The following GRM7 variants were observed in gnomAD, a reference collection of about 807,000 sequenced individuals.
GRM7 encodes metabotropic glutamate receptor 7.
A neutral mutation model predicts 84.5 loss-of-function variants in GRM7; 35 were observed. That is an observed-to-expected ratio of 0.41 (90% CI 0.32 to 0.55). The LOEUF (loss-of-function observed/expected upper bound fraction) is 0.55. GRM7 is among the 20% of genes least tolerant of loss of function. The pLI is 0.19. For synonymous variants in GRM7, 487 were observed against 455.1 expected, an observed-to-expected ratio of 1.07 and a Z score of -0.89; for missense variants, 1,003 against 1,194.6, an observed-to-expected ratio of 0.84 and a Z score of 2.36.
At chr3:7,159,041 C>T (rs1694541462) in intron 2 of GRM7, among the ~76,000 whole-genome samples, 1 of 152,096 alleles carries the variant, frequency 6.6e-6, no homozygotes, top group Non-Finnish European at 1.5e-5. Flanking sequence ...AAAATTGAAG[C>T]TTACACTAAT....
At chr3:7,729,000 T>C (rs1303375513) in intron 9 of GRM7, among the ~76,000 whole-genome samples, 3 of 151,464 alleles carry the variant, frequency 2.0e-5, no homozygotes, top group African/African-American at 4.9e-5. Flanking sequence ...CAAGTCATCC[T>C]CTCTGCACCT....
intron 1 of GRM7, among the ~76,000 whole-genome samples, chr3:6,866,191 A>G (rs1245677962): frequency 6.6e-6 from 1 of 152,188 alleles, no homozygotes; most frequent in East Asian, 1.9e-4. Context: ...TACAAGTGCT[A>G]TATTTCTTAC....
At chr3:7,348,890 A>G (rs7628504) in intron 4 of GRM7, among the ~76,000 whole-genome samples, 28,611 of 152,076 alleles carry the variant, frequency 0.19, 3,331 homozygotes, top group East Asian at 0.37. Context: ...ATTCAAAGAG[A>G]ACATGAATAA....
intron 1 of GRM7, among the ~76,000 whole-genome samples, chr3:6,945,327 C>G (rs891667762): frequency 1.3e-5 from 2 of 151,528 alleles, no homozygotes; most frequent in Non-Finnish European, 2.9e-5. Context: ...GTTTTTTGTC[C>G]TTGTGATAGT....
chr3:6,877,747 A>G (rs754602754), intron 1 of GRM7, among the ~76,000 whole-genome samples: 3 of 151,978 alleles, frequency 2.0e-5, no homozygotes, highest in South Asian at 2.1e-4. Context: ...AAAAATTTTC[A>G]TATAGATGGA....
rs534246903 is a variant in GRM7 at position 7,314,805 on chromosome 3, G to A, written c.1033+8153G>A. On this transcript the variant is annotated intron_variant, in intron 4 of 9. Coordinates refer to ENST00000357716, the MANE Select transcript of GRM7 (RefSeq NM_000844.4). Reference sequence around the variant, plus strand: ...GTCCATTTTTCCTCCCTTTGAATAAGCCATATCTTCCTATTTATTTGTATT... The same window carrying A: ...GTCCATTTTTCCTCCCTTTGAATAAACCATATCTTCCTATTTATTTGTATT... 2.0e-5 allele frequency among the ~76,000 whole-genome samples: 3 copies of A among 152,110 alleles called. No homozygotes were observed. The South Asian group carries it at 6.2e-4, about 32-fold the overall frequency.
intron 7 of GRM7, among the ~76,000 whole-genome samples, chr3:7,462,268 C>G (rs1285035444): frequency 6.6e-6 from 1 of 152,084 alleles, no homozygotes; most frequent in Non-Finnish European, 1.5e-5. Flanking sequence ...AGCCAATGTC[C>G]CAGCTCCAAA....
chr3:6,890,033 G>C (rs539814700), intron 1 of GRM7, among the ~76,000 whole-genome samples: 4 of 152,136 alleles, frequency 2.6e-5, no homozygotes, highest in Non-Finnish European at 5.9e-5. Flanking sequence ...GGTGTTTGTA[G>C]TATTCTCTGA....
chr3:7,045,743 C>G (rs186510971), intron 1 of GRM7, among the ~76,000 whole-genome samples: 79 of 152,126 alleles, frequency 5.2e-4, no homozygotes, highest in Non-Finnish European at 9.3e-4. Flanking sequence ...AATAATATTC[C>G]ATTATTTGTG....
intron 6 of GRM7, among the ~76,000 whole-genome samples, chr3:7,460,128 A>AC (rs1575369564): frequency 7.5e-6 from 1 of 134,098 alleles, no homozygotes; most frequent in African/African-American, 2.6e-5. Flanking sequence ...AAAAAAAAAA[A>AC]AGATGCCAAA....
chr3:7,627,535 C>A lies in GRM7; in HGVS notation c.2451+48178C>A, dbSNP rs143085297. Among the ~76,000 whole-genome samples the A allele has an allele frequency of 3.6e-3, 547 of 152,270 alleles. 2 individuals carry two copies. Among genetic ancestry groups the A allele is most frequent in the Admixed American group, 8.2e-3 (126 of 15,284 alleles). ...ACAGACATTCGCATGGTATTAAAAC[C>A]ACGAACTCTCAACTAGCCAGAGTTG... On this transcript the variant is annotated intron_variant, in intron 8 of 9. Coordinates refer to ENST00000357716, the MANE Select transcript of GRM7 (RefSeq NM_000844.4).
intron 2 of GRM7, among the ~76,000 whole-genome samples, chr3:7,292,653 T>C (rs1486330512): frequency 6.6e-6 from 1 of 151,978 alleles, no homozygotes; most frequent in Non-Finnish European, 1.5e-5. Context: ...AGTTTCTCCA[T>C]GTGTAATGGA....
intron 9 of GRM7, among the ~76,000 whole-genome samples, chr3:7,698,015 G>A (rs1701083663): frequency 6.6e-6 from 1 of 152,212 alleles, no homozygotes; most frequent in Non-Finnish European, 1.5e-5. Flanking sequence ...TTAATTTACA[G>A]AGTGGTTACT....
At chr3:6,976,434 G>A (rs1291230396) in intron 1 of GRM7, among the ~76,000 whole-genome samples, 2 of 152,160 alleles carry the variant, frequency 1.3e-5, no homozygotes, top group Non-Finnish European at 2.9e-5. Flanking sequence ...CTGTAAGTGG[G>A]GAGGCCCTGC....
chr3:7,543,394 T>C (rs1391613545), intron 7 of GRM7, among the ~76,000 whole-genome samples: 1 of 152,206 alleles, frequency 6.6e-6, no homozygotes, highest in East Asian at 1.9e-4. Flanking sequence ...AAAGCAAAGA[T>C]ATAAGATGGG....
chr3:6,941,668 G>A (rs1422182150), intron 1 of GRM7, among the ~76,000 whole-genome samples: 1 of 152,190 alleles, frequency 6.6e-6, no homozygotes, highest in Non-Finnish European at 1.5e-5. Context: ...GTTTCGAGTG[G>A]TCTTGATGTA....
At chr3:6,990,112 G>A (rs564125512) in intron 1 of GRM7, among the ~76,000 whole-genome samples, 49 of 152,252 alleles carry the variant, frequency 3.2e-4, no homozygotes, top group African/African-American at 1.2e-3. Flanking sequence ...ATGCCAGCAG[G>A]GGCTCCCTGT....
chr3:7,411,729 G>T (rs1695945568), intron 4 of GRM7, among the ~76,000 whole-genome samples: 1 of 152,080 alleles, frequency 6.6e-6, no homozygotes, highest in Non-Finnish European at 1.5e-5. Context: ...GTTTCAGATT[G>T]TAGTTATTAC....
intron 1 of GRM7, among the ~76,000 whole-genome samples, chr3:6,966,280 A>G (rs534252880): frequency 6.6e-6 from 1 of 152,286 alleles, no homozygotes; most frequent in African/African-American, 2.4e-5. Flanking sequence ...AAGAGTTGTG[A>G]CAATGTAATA....
Sources: allele counts gnomAD v4.1 joint callset (sites outside exome capture counted in the v4.1 genomes callset), GRCh38; gene constraint gnomAD v4.1.1; transcripts MANE v1.5; gene names NCBI Gene and HGNC (gene_info 2026-07-23, HGNC 2026-07-21).